KNG1: variants seen among roughly 807,000 people sequenced by gnomAD.
KNG1 encodes the protein kininogen 1, also known as kininogen-1.
Under a neutral mutation model 47.8 loss-of-function variants are expected in KNG1, and 23 were observed. The observed-to-expected ratio is 0.48, with a 90% CI of 0.35 to 0.68. The LOEUF (loss-of-function observed/expected upper bound fraction) is 0.68, where lower values mean the gene tolerates loss of function less well. Among genes scored for constraint, KNG1 ranks in the 30% least tolerant of loss-of-function variants. KNG1 has a pLI of 0.01. For missense variants in KNG1, 762 were observed against 790.2 expected, an observed-to-expected ratio of 0.96 and a Z score of 0.43; for synonymous variants, 277 against 277.0, an observed-to-expected ratio of 1.00 and a Z score of 0.00.
At chr3:186,737,145 C>G (rs781421970) in intron 7 of KNG1, among the ~76,000 whole-genome samples, 2 of 152,188 alleles carry the variant, frequency 1.3e-5, no homozygotes, top group African/African-American at 4.8e-5. Context: ...GCCAATGCCA[C>G]GTATCATCAA....
rs757540715 is a variant in KNG1, at chr3:186,720,157, G to T, written c.248G>T (p.Cys83Phe). ...AAGTACGAAATCAAGGAGGGGGATT[G>T]TCCTGTTCAAAGTGGCAAAACCTGG... ...SFKYEIKEGD[C>F]PVQSGKTWQD... Residue 83 changes from cysteine (C) to phenylalanine (F), a missense_variant, in exon 2 of 10, where the codon TGT becomes TTT. By Grantham distance (205) the Cys-to-Phe change is radical. Transcript: ENST00000644859. 14 of 1,613,928 alleles carry T rather than the reference G, an allele frequency of 8.7e-6. No homozygotes were observed. Among genetic ancestry groups the T allele is most frequent in the Non-Finnish European group, 1.2e-5 (14 of 1,179,984 alleles).
At chr3:186,735,282 G>A (rs1004140153) in intron 7 of KNG1, among the ~76,000 whole-genome samples, 14 of 151,908 alleles carry the variant, frequency 9.2e-5, no homozygotes, top group African/African-American at 3.1e-4. Flanking sequence ...GCCCAGGAGC[G>A]AGACCAGCTG....
At chr3:186,730,556 T>C (rs1720485203) in intron 5 of KNG1, among the ~76,000 whole-genome samples, 1 of 147,942 alleles carries the variant, frequency 6.8e-6, no homozygotes, top group Admixed American at 6.9e-5. Flanking sequence ...CTTGGGAGGC[T>C]GAGGCAGGAG....
intron 2 of KNG1, chr3:186,720,569 A>C: frequency 3.0e-6 from 1 of 328,136 alleles, no homozygotes. Context: ...TTAAGTGCAA[A>C]TCTTGACTCT....
chr3:186,723,770 TCAG>T (rs1720272461), intron 3 of KNG1, among the ~76,000 whole-genome samples: 1 of 151,990 alleles, frequency 6.6e-6, no homozygotes, highest in Non-Finnish European at 1.5e-5. Flanking sequence ...AGCCTCAGCC[TCAG>T]CCTCCTGAAT....
Position 186,727,258 on chromosome 3 carries a change from C to T in KNG1, c.586C>T (p.Arg196Ter), listed in dbSNP as rs121918131. The change falls in exon 5 of 10, where the codon CGA (arginine) becomes TGA (stop). Residue 196 changes from arginine to a stop codon, truncating the protein, a stop_gained. Transcript: ENST00000644859. LOFTEE classifies it high-confidence loss of function. Reference protein sequence around the residue: ...QRQVVAGLNFRITYSIVQTNC... With the variant: ...QRQVVAGLNF The stretch of plus-strand genomic sequence containing the variant: ...TCAGGTGGTGGCTGGATTGAACTTT[C>T]GAATTACCTACTCAATTGTGCAAAC... The T allele has an allele frequency of 1.2e-5, 20 of 1,612,898 alleles. No homozygotes were observed. The highest frequency in any genetic ancestry group is 1.6e-4 in the Middle Eastern group (1 of 6,082).
At chr3:186,738,372 G>C (rs1720719138) in intron 7 of KNG1, 1 of 152,060 alleles carries the variant, frequency 6.6e-6, no homozygotes. Flanking sequence ...AATTTCTATA[G>C]TAGTACTAAC....
intron 3 of KNG1, among the ~76,000 whole-genome samples, chr3:186,722,832 G>A (rs1380354012): frequency 6.6e-6 from 1 of 152,160 alleles, no homozygotes; most frequent in Non-Finnish European, 1.5e-5. Flanking sequence ...ATTGAGGAGC[G>A]CATAGGCTTT....
At chr3:186,737,989 T>C (rs1221107723) in intron 7 of KNG1, among the ~76,000 whole-genome samples, 1 of 151,984 alleles carries the variant, frequency 6.6e-6, no homozygotes, top group African/African-American at 2.4e-5. Flanking sequence ...TTTTTTTTTC[T>C]TTTTGAGACA....
At chr3:186,728,999 G>A (rs761802827) in intron 5 of KNG1, 5 of 152,114 alleles carry the variant, frequency 3.3e-5, no homozygotes, top group Admixed American at 6.5e-5. Context: ...GATATTTCCC[G>A]AGTTTTCTAA....
chr3:186,726,146 G>T (rs1465701697), intron 4 of KNG1, among the ~76,000 whole-genome samples: 2 of 151,854 alleles, frequency 1.3e-5, no homozygotes, highest in East Asian at 3.9e-4. Flanking sequence ...GGCCAAGCGG[G>T]TGGTCTCAAA....
At position 186,722,453 on chromosome 3, in the gene KNG1, C is replaced by T. The variant is rs772710707; in HGVS notation, c.323C>T (p.Thr108Met). The T allele has an allele frequency of 9.3e-6, 15 of 1,613,454 alleles. 1 individual carries two copies. In the South Asian group the frequency reaches 1.2e-4, roughly 13 times the overall value. ...TCTTTTTAGGCCACTGGAGAATGCACGGCAACCGTGGGGAAGAGGAGCAGT... is the reference window on the plus strand; with the variant it reads ...TCTTTTTAGGCCACTGGAGAATGCATGGCAACCGTGGGGAAGAGGAGCAGT... ...DAAKAATGEC[T>M]ATVGKRSSTK... is the part of the protein sequence containing the mutation. Residue 108 changes from threonine (T) to methionine (M), a missense_variant, in exon 3 of 10, where the codon ACG (threonine) becomes ATG (methionine). Coordinates refer to ENST00000644859, the MANE Select transcript of KNG1 (RefSeq NM_001102416.3).
Position 186,742,226 on chromosome 3 carries a change from C to G in KNG1, c.1830C>G (p.Thr610=). Reference sequence around the variant, plus strand: ...CAATATCAGATTTTCCAGACACGACCTCCCCAAAATGTCCTGGACGCCCCT... The same window carrying G: ...CAATATCAGATTTTCCAGACACGACGTCCCCAAAATGTCCTGGACGCCCCT... The part of the protein sequence containing the change: ...FNPISDFPDT[T]SPKCPGRPWK... Residue 610 remains threonine (T), a synonymous_variant, in exon 10 of 10, where the codon ACC becomes ACG. Transcript: ENST00000644859. 1 of 1,614,160 alleles carries G rather than the reference C, an allele frequency of 6.2e-7. No homozygotes were observed. The highest frequency in any genetic ancestry group is 1.1e-5 in the South Asian group (1 of 91,076).
In KNG1 at chr3:186,718,899, T is replaced by C. The variant is rs187705162; in HGVS notation, c.195+1162T>C. Among the ~76,000 whole-genome samples, 314 of 152,252 alleles carry C rather than the reference T, an allele frequency of 2.1e-3. 1 individual carries two copies. The highest frequency in any genetic ancestry group is 3.5e-3 in the Non-Finnish European group (239 of 68,018). Reference sequence around the variant, plus strand: ...AGGAGACAAATCCTGGCAGGATGCATGGTTCAAAGAAATACCAATCTTTCA... The same window carrying C: ...AGGAGACAAATCCTGGCAGGATGCACGGTTCAAAGAAATACCAATCTTTCA... On this transcript the variant is annotated intron_variant, in intron 1 of 9. Transcript: ENST00000644859.
intron 7 of KNG1, among the ~76,000 whole-genome samples, chr3:186,734,361 C>A (rs888202945): frequency 6.6e-6 from 1 of 151,988 alleles, no homozygotes; most frequent in African/African-American, 2.4e-5. Flanking sequence ...CATCTTTGTG[C>A]GGAGCTCTTG....
At chr3:186,737,855 C>T (rs1407536032) in intron 7 of KNG1, among the ~76,000 whole-genome samples, 1 of 151,990 alleles carries the variant, frequency 6.6e-6, no homozygotes, top group Admixed American at 6.6e-5. Context: ...CCACTATTCC[C>T]GGCCAACACA....
At chr3:186,726,363 T>G (rs1253630412) in intron 4 of KNG1, among the ~76,000 whole-genome samples, 1 of 150,948 alleles carries the variant, frequency 6.6e-6, no homozygotes, top group Admixed American at 6.6e-5. Context: ...CCATCTTGGT[T>G]CACTGCAACT....
chr3:186,725,543 A>ATTTTTTTTTTTTTTTTTTTTTTTTTT lies in KNG1; in HGVS notation c.564+302_564+303insTTTTTTTTTTTTTTTTTTTTTTTTTT, dbSNP rs71167003. ...AAGGAAAAGTCATACCGGCCTTAGG[A>ATTTTTTTTTTTTTTTTTTTTTTTTTT]TTTTTTTTTTTTTTTTTTTGAGACA... is the stretch of plus-strand genomic sequence containing the variant. On this transcript the variant is annotated intron_variant, in intron 4 of 9. Coordinates refer to ENST00000644859, the MANE Select transcript of KNG1 (RefSeq NM_001102416.3). Among the ~76,000 whole-genome samples the ATTTTTTTTTTTTTTTTTTTTTTTTTT allele has an allele frequency of 5.7e-5, 5 of 87,724 alleles. 1 individual carries two copies. The highest frequency in any genetic ancestry group is 1.4e-4 in the African/African-American group (3 of 21,500). 57.6% of individuals were successfully genotyped at this position (87,724 alleles called of 152,430 possible).
intron 1 of KNG1, chr3:186,717,963 C>T: frequency 2.3e-6 from 1 of 431,688 alleles, no homozygotes; most frequent in Middle Eastern, 6.1e-4. Flanking sequence ...TCACCCACCA[C>T]CCACCACCCA....
Sources: allele counts gnomAD v4.1 joint callset (sites outside exome capture counted in the v4.1 genomes callset), GRCh38; gene constraint gnomAD v4.1.1; transcripts MANE v1.5; gene names NCBI Gene and HGNC (gene_info 2026-07-23, HGNC 2026-07-21).